SOX5: variants seen among roughly 807,000 people sequenced by gnomAD.
SOX5 encodes the protein SRY-box transcription factor 5, also known as transcription factor SOX-5.
In SOX5, 9 loss-of-function variants were observed where a neutral mutation model predicts 92.0. That is an observed-to-expected ratio of 0.10 (90% CI 0.06 to 0.17). The LOEUF (loss-of-function observed/expected upper bound fraction) is 0.17. Among genes scored for constraint, SOX5 ranks in the 10% least tolerant of loss-of-function variants. The pLI is 1.00. For missense variants in SOX5, 642 were observed against 944.5 expected (o/e 0.68, Z 4.20); for synonymous variants, 344 against 336.3 (o/e 1.02, Z -0.25).
intron 6 of SOX5, among the ~76,000 whole-genome samples, chr12:23,669,826 T>C (rs575657812): frequency 2.6e-5 from 4 of 152,170 alleles, no homozygotes; most frequent in Admixed American, 6.6e-5. Context: ...GTTTTGGATA[T>C]GACGTGGCTG....
intron 2 of SOX5, among the ~76,000 whole-genome samples, chr12:24,315,492 GT>G (rs1949613589): frequency 6.6e-6 from 1 of 151,978 alleles, no homozygotes; most frequent in Non-Finnish European, 1.5e-5. Flanking sequence ...TATTTGTAAG[GT>G]TTTTTGTGCA....
chr12:23,645,704 T>C (rs1172641722), intron 7 of SOX5, among the ~76,000 whole-genome samples: 1 of 152,216 alleles, frequency 6.6e-6, no homozygotes, highest in African/African-American at 2.4e-5. Flanking sequence ...TATGTTATAA[T>C]CTTTTTATTT....
At chr12:24,090,065 A>G (rs4963745) in intron 4 of SOX5, among the ~76,000 whole-genome samples, 118,997 of 152,112 alleles carry the variant, frequency 0.78, 47,210 homozygotes, top group East Asian at 1. Flanking sequence ...ATGACTAAAT[A>G]TTTTAGATGT....
chr12:24,190,000 G>T (rs976493170), intron 4 of SOX5, among the ~76,000 whole-genome samples: 6 of 152,090 alleles, frequency 3.9e-5, no homozygotes, highest in Non-Finnish European at 8.8e-5. Context: ...TTCCAGGAAT[G>T]ATATCATTAC....
intron 4 of SOX5, among the ~76,000 whole-genome samples, chr12:23,961,064 C>A (rs181505661): frequency 6.6e-6 from 1 of 152,184 alleles, no homozygotes; most frequent in East Asian, 1.9e-4. Context: ...ACATAATGTT[C>A]TTCAAATTGA....
At chr12:24,200,348 T>C (rs1386290130) in intron 4 of SOX5, among the ~76,000 whole-genome samples, 1 of 152,182 alleles carries the variant, frequency 6.6e-6, no homozygotes, top group Non-Finnish European at 1.5e-5. Context: ...GGTGATTAGA[T>C]TAAATTTTAA....
chr12:24,172,390 T>A (rs1954301297), intron 4 of SOX5, among the ~76,000 whole-genome samples: 1 of 151,834 alleles, frequency 6.6e-6, no homozygotes, highest in Admixed American at 6.6e-5. Context: ...ACTACAAAAA[T>A]AAGCCGGGCA....
At chr12:24,361,390 C>T (rs913052055) in intron 2 of SOX5, among the ~76,000 whole-genome samples, 25 of 152,130 alleles carry the variant, frequency 1.6e-4, no homozygotes, top group African/African-American at 5.8e-4. Flanking sequence ...TGAACCATGG[C>T]AAGTTATTCA....
At chr12:23,820,600 A>G (rs1338084826) in intron 3 of SOX5, among the ~76,000 whole-genome samples, 2 of 152,170 alleles carry the variant, frequency 1.3e-5, no homozygotes, top group Non-Finnish European at 2.9e-5. Context: ...TAATTTTTGT[A>G]TAAAGTATAG....
At chr12:24,453,289 T>G (rs1317364352) in intron 1 of SOX5, among the ~76,000 whole-genome samples, 1 of 145,816 alleles carries the variant, frequency 6.9e-6, no homozygotes, top group African/African-American at 2.5e-5. Flanking sequence ...GCACTATGTT[T>G]TGAAATAATA....
chr12:23,767,327 A>G (rs532143963), intron 3 of SOX5, among the ~76,000 whole-genome samples: 15 of 152,130 alleles, frequency 9.9e-5, no homozygotes, highest in Non-Finnish European at 1.8e-4. Flanking sequence ...CAGAAAAGAG[A>G]AACTCCTGAG....
intron 1 of SOX5, among the ~76,000 whole-genome samples, chr12:24,494,996 G>A (rs1220717094): frequency 1.3e-5 from 2 of 152,132 alleles, no homozygotes; most frequent in Non-Finnish European, 2.9e-5. Flanking sequence ...TACCATGATA[G>A]CATGGCAATT....
intron 3 of SOX5, among the ~76,000 whole-genome samples, chr12:23,800,041 T>C (rs192483811): frequency 2.2e-4 from 34 of 152,166 alleles, no homozygotes; most frequent in African/African-American, 7.7e-4. Flanking sequence ...AGCCGGAATA[T>C]TCTTAGAGTG....
At chr12:24,212,599 A>T in intron 4 of SOX5, 1 of 450,692 alleles carries the variant, frequency 2.2e-6, no homozygotes, top group Non-Finnish European at 4.4e-6. Context: ...TGTTGAAACA[A>T]CCAAGACACT....
At chr12:24,078,511 T>C (rs1205412559) in intron 4 of SOX5, among the ~76,000 whole-genome samples, 6 of 152,176 alleles carry the variant, frequency 3.9e-5, no homozygotes, top group South Asian at 2.1e-4. Flanking sequence ...CTTTAGCCTG[T>C]AGGCAACTGA....
intron 4 of SOX5, among the ~76,000 whole-genome samples, chr12:24,168,272 C>A (rs1395753732): frequency 6.6e-6 from 1 of 152,108 alleles, no homozygotes. Flanking sequence ...TAGTAAATAA[C>A]AACAAAGCTA....
chr12:24,428,726 C>CAAAAAAAAAAAAAAA lies in SOX5; in HGVS notation c.-250-60102_-250-60088dup, dbSNP rs57964050. On this transcript the variant is annotated intron_variant, in intron 1 of 4. Coordinates refer to the SOX5 transcript ENST00000446891. Reference sequence around the variant, plus strand: ...GGCAACAGAGTGAGACTCTGTTTCTCAAAAAAAAAAAAAAAAAAAAAAAAA... The same window carrying CAAAAAAAAAAAAAAA: ...GGCAACAGAGTGAGACTCTGTTTCTCAAAAAAAAAAAAAAAAAAAAAAAAAAAAAAAAAAAAAAAA... Among the ~76,000 whole-genome samples, 39 of 32,596 alleles carry CAAAAAAAAAAAAAAA rather than the reference C, an allele frequency of 1.2e-3. 9 individuals are homozygous for CAAAAAAAAAAAAAAA. Among genetic ancestry groups the CAAAAAAAAAAAAAAA allele is most frequent in the African/African-American group, 2.9e-3 (23 of 7,964 alleles). The allele number at this position is 32,596 out of a possible 152,430, so 21.4% of individuals were successfully genotyped here.
At chr12:23,550,708 G>C (rs1430836940) in intron 11 of SOX5, among the ~76,000 whole-genome samples, 1 of 151,668 alleles carries the variant, frequency 6.6e-6, no homozygotes, top group African/African-American at 2.4e-5. Flanking sequence ...GGCATGATGA[G>C]TTACAGTTCC....
intron 6 of SOX5, among the ~76,000 whole-genome samples, chr12:23,726,110 T>G (rs2093098674): frequency 7.5e-6 from 1 of 132,676 alleles, no homozygotes; most frequent in Non-Finnish European, 1.6e-5. Flanking sequence ...GTTAAATACA[T>G]ACATCCCCGA....
Sources: allele counts gnomAD v4.1 joint callset (sites outside exome capture counted in the v4.1 genomes callset), GRCh38; gene constraint gnomAD v4.1.1; transcripts MANE v1.5; gene names NCBI Gene and HGNC (gene_info 2026-07-23, HGNC 2026-07-21).